LRP6: variants seen among roughly 807,000 people sequenced by gnomAD.
The protein encoded by LRP6 is low-density lipoprotein receptor-related protein 6.
In LRP6, 43 loss-of-function variants were observed where a neutral mutation model predicts 184.1. The ratio of observed to expected loss-of-function variants is 0.23; its 90% confidence interval spans 0.18 to 0.30. The LOEUF is 0.30. Among genes scored for constraint, LRP6 ranks in the 10% least tolerant of loss-of-function variants. The pLI is 1.00. For missense variants in LRP6, 1,571 were observed against 2,005.3 expected (o/e 0.78, Z 4.14); for synonymous variants, 719 against 684.9 (o/e 1.05, Z -0.78).
intron 1 of LRP6, among the ~76,000 whole-genome samples, chr12:12,257,215 C>T (rs1307789455): frequency 6.6e-6 from 1 of 151,970 alleles, no homozygotes; most frequent in African/African-American, 2.4e-5. Flanking sequence ...TAAAAGCCAC[C>T]GAACTAGACA....
chr12:12,179,395 T>C (rs139897791), intron 7 of LRP6, among the ~76,000 whole-genome samples: 6 of 146,112 alleles, frequency 4.1e-5, no homozygotes, highest in African/African-American at 1.5e-4. Flanking sequence ...TAGATATAGA[T>C]ATAGATATAG....
intron 3 of LRP6, among the ~76,000 whole-genome samples, chr12:12,193,834 A>G (rs1863680597): frequency 6.6e-6 from 1 of 152,100 alleles, no homozygotes; most frequent in Non-Finnish European, 1.5e-5. Flanking sequence ...AAGAGGAAAT[A>G]TCTTCCGACT....
intron 3 of LRP6, among the ~76,000 whole-genome samples, chr12:12,189,682 G>A (rs1178119165): frequency 1.3e-5 from 2 of 152,024 alleles, no homozygotes; most frequent in Non-Finnish European, 2.9e-5. Context: ...TGTATTTTTA[G>A]TAGAGATGGG....
intron 2 of LRP6, among the ~76,000 whole-genome samples, chr12:12,240,941 G>A (rs574163274): frequency 2.0e-5 from 3 of 152,066 alleles, no homozygotes; most frequent in African/African-American, 4.8e-5. Flanking sequence ...ACATCTTCCC[G>A]TTGCTTAGTC....
At chr12:12,234,039 C>T (rs1236609158) in intron 2 of LRP6, among the ~76,000 whole-genome samples, 1 of 152,128 alleles carries the variant, frequency 6.6e-6, no homozygotes, top group African/African-American at 2.4e-5. Context: ...CCTGTAATTC[C>T]GGCACTTTGG....
chr12:12,194,114 C>T (rs887829507), intron 3 of LRP6, among the ~76,000 whole-genome samples: 1 of 151,718 alleles, frequency 6.6e-6, no homozygotes, highest in Non-Finnish European at 1.5e-5. Flanking sequence ...TCCATAGATG[C>T]AGAAAAAGGA....
At chr12:12,144,571 T>G (rs1231698705) in intron 15 of LRP6, among the ~76,000 whole-genome samples, 2 of 151,926 alleles carry the variant, frequency 1.3e-5, no homozygotes, top group Non-Finnish European at 2.9e-5. Context: ...AGCTAGGGAG[T>G]TTGAGGCTGC....
chr12:12,154,464 T>C (rs1313673955), intron 12 of LRP6, among the ~76,000 whole-genome samples: 3 of 152,254 alleles, frequency 2.0e-5, no homozygotes, highest in Non-Finnish European at 4.4e-5. Context: ...TCTGTTCCAC[T>C]GAATTTCATT....
chr12:12,135,136 T>G, intron 17 of LRP6, 39 bp downstream of exon 17: 1 of 1,613,198 alleles, frequency 6.2e-7, no homozygotes, highest in Non-Finnish European at 8.5e-7. Flanking sequence ...GGAATATGTT[T>G]GCATTTAGGG....
intron 7 of LRP6, among the ~76,000 whole-genome samples, chr12:12,172,204 T>C (rs754253679): frequency 5.9e-5 from 9 of 152,166 alleles, no homozygotes; most frequent in Non-Finnish European, 1.3e-4. Context: ...GAGTCTCCAG[T>C]GGTTTCAGCT....
chr12:12,200,841 T>A (rs2137037231), intron 3 of LRP6, among the ~76,000 whole-genome samples: 2 of 152,346 alleles, frequency 1.3e-5, no homozygotes, highest in Admixed American at 1.3e-4. Flanking sequence ...ACGTCATTTA[T>A]AAGTGATTCG....
chr12:12,194,341 T>C (rs1326974100), intron 3 of LRP6, among the ~76,000 whole-genome samples: 1 of 152,034 alleles, frequency 6.6e-6, no homozygotes. Flanking sequence ...GCAAACACTC[T>C]TGTAACCACG....
chr12:12,127,310 T>G (rs1281571359), intron 19 of LRP6, among the ~76,000 whole-genome samples: 2 of 152,186 alleles, frequency 1.3e-5, no homozygotes, highest in African/African-American at 2.4e-5. Flanking sequence ...ATTCCAAGAT[T>G]TCGGGAAAAA....
At chr12:12,149,847 G>C (rs1042579815) in intron 13 of LRP6, among the ~76,000 whole-genome samples, 4 of 152,174 alleles carry the variant, frequency 2.6e-5, no homozygotes, top group African/African-American at 7.2e-5. Flanking sequence ...TGTGCCATCT[G>C]AACTGTATCT....
At chr12:12,245,225 A>T (rs1865156181) in intron 1 of LRP6, among the ~76,000 whole-genome samples, 1 of 152,226 alleles carries the variant, frequency 6.6e-6, no homozygotes, top group Admixed American at 6.5e-5. Context: ...TGGATAAAAA[A>T]CTGTGATACT....
intron 1 of LRP6, among the ~76,000 whole-genome samples, chr12:12,252,455 TC>T (rs1865346584): frequency 6.6e-6 from 1 of 152,206 alleles, no homozygotes; most frequent in South Asian, 2.1e-4. Flanking sequence ...AGGCTTACCC[TC>T]CCTAAGTTTA....
chr12:12,134,197 A>G (rs934966313), intron 17 of LRP6, among the ~76,000 whole-genome samples: 18 of 152,256 alleles, frequency 1.2e-4, no homozygotes, highest in African/African-American at 3.9e-4. Flanking sequence ...TTCTCTTTCA[A>G]TATTTGTTTA....
intron 17 of LRP6, among the ~76,000 whole-genome samples, chr12:12,132,582 T>C (rs977438706): frequency 5.3e-5 from 8 of 152,204 alleles, no homozygotes; most frequent in Non-Finnish European, 1.2e-4. Flanking sequence ...TAAAACTTGG[T>C]ACCTTAGCAG....
At position 12,192,440 on chromosome 12, in the gene LRP6, T is replaced by C. The variant is rs183260898; in HGVS notation, c.648-5321A>G. Among the ~76,000 whole-genome samples, 123 of 149,936 alleles carry C rather than the reference T, an allele frequency of 8.2e-4. 2 individuals are homozygous for C. The highest frequency in any genetic ancestry group is 2.8e-3 in the African/African-American group (114 of 41,062). ...AAGCCCAACCATATCATTAATGACA[T>C]TCAATGTGAATAAACACACCAATCA... On this transcript the variant is annotated intron_variant, in intron 3 of 22. Transcript: ENST00000261349.
Sources: gnomAD v4.1 joint callset for allele counts (sites outside exome capture counted in the v4.1 genomes callset) on GRCh38, gnomAD v4.1.1 for gene constraint, MANE v1.5 for transcripts, NCBI Gene and HGNC (gene_info 2026-07-23, HGNC 2026-07-21) for gene names.